Variants in PCDHA3 observed in about 807,000 individuals in gnomAD.
PCDHA3 encodes the protein protocadherin alpha 3.
PCDHA3 carries 41 observed loss-of-function variants against 62.2 expected under a neutral mutation model. That is an observed-to-expected ratio of 0.66 (90% confidence interval 0.51 to 0.86). PCDHA3 has a LOEUF of 0.86. PCDHA3 is among the 40% of genes least tolerant of loss of function. The pLI is 0.00. For synonymous variants in PCDHA3, 640 were observed against 555.4 expected (o/e 1.15, Z -2.14); for missense variants, 1,304 against 1,241.2 (o/e 1.05, Z -0.76).
chr5:140,918,282 C>G (rs2078612020), intron 1 of PCDHA3, among the ~76,000 whole-genome samples: 1 of 152,016 alleles, frequency 6.6e-6, no homozygotes, highest in Non-Finnish European at 1.5e-5. Flanking sequence ...GATGTAGGAG[C>G]TTTTTGGCAG....
intron 3 of PCDHA3, among the ~76,000 whole-genome samples, chr5:140,984,056 G>A (rs569184437): frequency 6.6e-6 from 1 of 152,318 alleles, no homozygotes; most frequent in African/African-American, 2.4e-5. Context: ...TGACAAATCT[G>A]TACCCTCAGT....
intron 3 of PCDHA3, among the ~76,000 whole-genome samples, chr5:141,006,446 C>T (rs2098274720): frequency 1.3e-5 from 2 of 152,066 alleles, no homozygotes; most frequent in South Asian, 4.1e-4. Flanking sequence ...ATCTCCTGAC[C>T]TCGAGATCTG....
intron 3 of PCDHA3, among the ~76,000 whole-genome samples, chr5:140,991,401 T>C (rs1271447254): frequency 6.6e-6 from 1 of 152,218 alleles, no homozygotes; most frequent in Non-Finnish European, 1.5e-5. Context: ...TGTATTTATT[T>C]CCCATTATGC....
intron 1 of PCDHA3, among the ~76,000 whole-genome samples, chr5:140,933,958 G>A (rs2089541288): frequency 1.3e-5 from 2 of 151,998 alleles, no homozygotes; most frequent in South Asian, 4.1e-4. Context: ...AGGATCTGTA[G>A]TGATGTTTCC....
At chr5:140,897,833 C>T (rs1366388258) in intron 1 of PCDHA3, among the ~76,000 whole-genome samples, 14 of 152,138 alleles carry the variant, frequency 9.2e-5, no homozygotes, top group African/African-American at 3.4e-4. Flanking sequence ...TATTTCTCCA[C>T]ATCCTCTCCA....
intron 1 of PCDHA3, among the ~76,000 whole-genome samples, chr5:140,897,659 G>A: frequency 6.6e-6 from 1 of 152,230 alleles, no homozygotes; most frequent in South Asian, 2.1e-4. Flanking sequence ...ACGTGTGCAT[G>A]TGTCTTTATA....
At chr5:140,850,702 AGCCGAC>A (rs2150495011) in intron 1 of PCDHA3, 2 of 1,598,050 alleles carry the variant, frequency 1.3e-6, no homozygotes, top group Non-Finnish European at 1.7e-6. Flanking sequence ...GCGCCTGGCA[AGCCGAC>A]GCTGGTGTGT....
At chr5:140,805,189 AT>A in intron 1 of PCDHA3, 1 of 1,470,820 alleles carries the variant, frequency 6.8e-7, no homozygotes, top group Non-Finnish European at 9.0e-7. Context: ...CCAAATAAAT[AT>A]TGAATAGCTA....
intron 1 of PCDHA3, among the ~76,000 whole-genome samples, chr5:140,975,044 G>A (rs115613317): frequency 0.045 from 6,815 of 152,244 alleles, 210 homozygotes; most frequent in Non-Finnish European, 0.062. Flanking sequence ...AGGCTCTTAG[G>A]AAGAATCTAC....
chr5:141,000,392 T>TATAA (rs2097913276), intron 3 of PCDHA3, among the ~76,000 whole-genome samples: 1 of 62,986 alleles, frequency 1.6e-5, no homozygotes, highest in African/African-American at 7.3e-5. Context: ...TCTCTCTCTC[T>TATAA]CTCTATATAT....
At chr5:140,857,914 C>A (rs781836779) in intron 1 of PCDHA3, 4 of 1,597,754 alleles carry the variant, frequency 2.5e-6, no homozygotes, top group South Asian at 2.2e-5. Flanking sequence ...TCCCGTTTCG[C>A]GTGGGGCTGT....
In PCDHA3 at chr5:140,913,634, C is replaced by T. The variant is rs145807488; in HGVS notation, c.2395-65315C>T. On this transcript the variant is annotated intron_variant, in intron 1 of 3. Transcript: ENST00000522353. ...TACTAATTTTGGATTCAGTTTGCTG[C>T]TGCTTTTCTAGTTCTTTAAGATGTA... Among the ~76,000 whole-genome samples the T allele has an allele frequency of 8.0e-3, 1,219 of 152,090 alleles. 7 individuals carry two copies. Among genetic ancestry groups the T allele is most frequent in the African/African-American group, 0.019 (785 of 41,506 alleles).
intron 1 of PCDHA3, among the ~76,000 whole-genome samples, chr5:140,917,832 C>T (rs1554198323): frequency 1.3e-5 from 2 of 151,488 alleles, no homozygotes; most frequent in Admixed American, 6.6e-5. Context: ...AGTGTGATGT[C>T]CTTCTTGTTC....
At chr5:140,926,517 C>G (rs1428470636) in intron 1 of PCDHA3, 1 of 201,972 alleles carries the variant, frequency 5.0e-6, no homozygotes. Flanking sequence ...CCAGGCTCCG[C>G]CCTGCGCCCG....
At chr5:140,836,843 A>G (rs1774773753) in intron 1 of PCDHA3, 2 of 826,772 alleles carry the variant, frequency 2.4e-6, no homozygotes, top group Admixed American at 6.3e-5. Context: ...AGCTTTATGT[A>G]TAATTATTAT....
chr5:140,906,661 A>C (rs1237437986), intron 1 of PCDHA3, among the ~76,000 whole-genome samples: 1 of 152,176 alleles, frequency 6.6e-6, no homozygotes, highest in African/African-American at 2.4e-5. Flanking sequence ...TTCCTGGTGT[A>C]GTGACCCAAA....
intron 1 of PCDHA3, chr5:140,805,055 C>T (rs1554123209): frequency 1.3e-6 from 2 of 1,591,694 alleles, no homozygotes; most frequent in Non-Finnish European, 1.7e-6. Flanking sequence ...TACTTGTCTT[C>T]CCAGATATGG....
intron 1 of PCDHA3, chr5:140,850,875 G>T: frequency 6.3e-7 from 1 of 1,590,472 alleles, no homozygotes; most frequent in Non-Finnish European, 8.6e-7. Flanking sequence ...TGCTTCCTCA[G>T]ATTCAACTGG....
intron 1 of PCDHA3, among the ~76,000 whole-genome samples, chr5:140,833,397 T>C (rs1420614000): frequency 6.6e-6 from 1 of 152,172 alleles, no homozygotes; most frequent in East Asian, 1.9e-4. Flanking sequence ...ACCTCAAGAC[T>C]TGATCAAAGG....
Sources: gnomAD v4.1 joint callset for allele counts (sites outside exome capture counted in the v4.1 genomes callset) on GRCh38, gnomAD v4.1.1 for gene constraint, MANE v1.5 for transcripts, NCBI Gene and HGNC (gene_info 2026-07-23, HGNC 2026-07-21) for gene names.